Variants in RBFOX1 observed in about 807,000 individuals in gnomAD.
RBFOX1 encodes the protein RNA binding protein fox-1 homolog 1.
RBFOX1 carries 8 observed loss-of-function variants against 57.7 expected under a neutral mutation model. The ratio of observed to expected loss-of-function variants is 0.14; its 90% confidence interval spans 0.08 to 0.25. The LOEUF (loss-of-function observed/expected upper bound fraction) is 0.25, where lower values mean the gene tolerates loss of function less well. RBFOX1 is among the 10% of genes least tolerant of loss of function. The pLI is 1.00. For synonymous variants in RBFOX1, 326 were observed against 222.4 expected, an observed-to-expected ratio of 1.47 and a Z score of -4.15; for missense variants, 611 against 548.5, an observed-to-expected ratio of 1.11 and a Z score of -1.14.
Position 7,069,970 on chromosome 16 carries a change from C to A in RBFOX1, c.27+17872C>A, listed in dbSNP as rs115559765. Among the ~76,000 whole-genome samples, 1,168 of 152,298 alleles carry A rather than the reference C, an allele frequency of 7.7e-3. 15 individuals are homozygous for A. The highest frequency in any genetic ancestry group is 0.027 in the African/African-American group (1,102 of 41,556). ...TGAGAAACACCATAGCCTAATAATT[C>A]CATCAAGTAAGGTTTTCTGATCAGT... is the stretch of plus-strand genomic sequence containing the variant. On this transcript the variant is annotated intron_variant, in intron 4 of 15. Coordinates refer to ENST00000550418, the MANE Select transcript of RBFOX1 (RefSeq NM_018723.4).
chr16:6,795,174 G>T lies in RBFOX1; in HGVS notation c.-16+140524G>T, dbSNP rs74354304. Reference sequence around the variant, plus strand: ...CATAGTAAGGACCAGATATTTCATAGTGCTAATTCCAAGCTGGGTATAATT... The same window carrying T: ...CATAGTAAGGACCAGATATTTCATATTGCTAATTCCAAGCTGGGTATAATT... On this transcript the variant is annotated intron_variant, in intron 3 of 15. Transcript: ENST00000550418. Among the ~76,000 whole-genome samples the T allele has an allele frequency of 2.3e-4, 35 of 152,268 alleles. No homozygotes were observed. The East Asian group carries it at 6.2e-3, about 27-fold the overall frequency.
chr16:6,352,280 G>A (rs567499487), intron 2 of RBFOX1, among the ~76,000 whole-genome samples: 1 of 152,098 alleles, frequency 6.6e-6, no homozygotes, highest in Non-Finnish European at 1.5e-5. Context: ...TTTAGGCAGG[G>A]GGGTTGTTTC....
intron 4 of RBFOX1, among the ~76,000 whole-genome samples, chr16:7,177,005 C>T (rs1224474722): frequency 6.6e-6 from 1 of 152,048 alleles, no homozygotes; most frequent in Non-Finnish European, 1.5e-5. Flanking sequence ...AACTCACTAC[C>T]CCATGAAGTC....
At chr16:5,560,675 C>G (rs556119380) in intron 2 of RBFOX1, among the ~76,000 whole-genome samples, 14 of 152,296 alleles carry the variant, frequency 9.2e-5, no homozygotes, top group East Asian at 5.8e-4. Context: ...ATCCAAACAT[C>G]TCAGCGTAGT....
intron 2 of RBFOX1, among the ~76,000 whole-genome samples, chr16:6,537,573 T>C (rs2096752717): frequency 6.6e-6 from 1 of 152,198 alleles, no homozygotes. Flanking sequence ...GCAGTATGAT[T>C]TCAGAGACCA....
Position 6,457,445 on chromosome 16 carries a change from C to CTA in RBFOX1, c.-64+140388_-64+140389insTA, listed in dbSNP as rs1555484700. On this transcript the variant is annotated intron_variant, in intron 2 of 15. Transcript: ENST00000550418. ...ACTGTGAATTTCCGGAAGTCCCCCC[C>CTA]CCCGCAATAGCTTTGATTTGACATG... Among the ~76,000 whole-genome samples, 3 of 33,398 alleles carry CTA rather than the reference C, an allele frequency of 9.0e-5. 1 individual carries two copies. Among genetic ancestry groups the CTA allele is most frequent in the Non-Finnish European group, 1.6e-4 (3 of 19,016 alleles). 21.9% of individuals were successfully genotyped at this position (33,398 alleles called of 152,430 possible). A position where few individuals can be genotyped will look rare whatever the true frequency, so the allele number is the denominator to read the frequency against.
chr16:7,672,317 CTGAGGATGATCAG>C (rs1162906323), intron 13 of RBFOX1, among the ~76,000 whole-genome samples: 2 of 152,186 alleles, frequency 1.3e-5, no homozygotes, highest in African/African-American at 2.4e-5. Flanking sequence ...GAATGTCAAA[CTGAGGATGATCAG>C]TGAGAGTTGT....
At chr16:7,240,613 G>T (rs1351972763) in intron 4 of RBFOX1, among the ~76,000 whole-genome samples, 1 of 152,112 alleles carries the variant, frequency 6.6e-6, no homozygotes, top group Non-Finnish European at 1.5e-5. Context: ...GGAGTACAGT[G>T]GTATGATCAC....
chr16:7,695,352 C>T (rs1186885399), intron 14 of RBFOX1, among the ~76,000 whole-genome samples: 2 of 151,894 alleles, frequency 1.3e-5, no homozygotes, highest in African/African-American at 2.4e-5. Context: ...GGTTGTAACT[C>T]GTGGTTTCAG....
intron 2 of RBFOX1, among the ~76,000 whole-genome samples, chr16:6,479,766 T>C (rs2095341949): frequency 1.3e-5 from 2 of 151,638 alleles, no homozygotes; most frequent in Non-Finnish European, 2.9e-5. Context: ...ATCACCAGTC[T>C]AGGCCAGGCA....
chr16:6,084,675 A>G (rs977184866), intron 1 of RBFOX1, among the ~76,000 whole-genome samples: 6 of 152,140 alleles, frequency 3.9e-5, no homozygotes, highest in Admixed American at 6.5e-5. Context: ...CTCGTTTTCT[A>G]TGATGCTCTA....
intron 2 of RBFOX1, among the ~76,000 whole-genome samples, chr16:6,562,210 C>T (rs571216864): frequency 6.6e-6 from 1 of 152,286 alleles, no homozygotes; most frequent in South Asian, 2.1e-4. Context: ...GGGTGCCAGC[C>T]CTCTGAACTT....
At chr16:6,324,697 G>A (rs115606326) in intron 2 of RBFOX1, among the ~76,000 whole-genome samples, 5,665 of 152,234 alleles carry the variant, frequency 0.037, 344 homozygotes, top group African/African-American at 0.13. Flanking sequence ...GAGGATTACC[G>A]TTCAACATGA....
At chr16:6,644,475 G>C (rs558508481) in intron 2 of RBFOX1, among the ~76,000 whole-genome samples, 1 of 152,158 alleles carries the variant, frequency 6.6e-6, no homozygotes, top group Admixed American at 6.5e-5. Flanking sequence ...ATCATAAGCC[G>C]ATTTGGGCTT....
intron 2 of RBFOX1, among the ~76,000 whole-genome samples, chr16:5,476,943 C>G (rs1434065757): frequency 2.0e-5 from 3 of 152,168 alleles, no homozygotes; most frequent in Non-Finnish European, 4.4e-5. Flanking sequence ...ACATACTAAA[C>G]TTTTTGTAAC....
chr16:6,997,650 T>C (rs965936721), intron 3 of RBFOX1, among the ~76,000 whole-genome samples: 2 of 152,196 alleles, frequency 1.3e-5, no homozygotes, highest in African/African-American at 4.8e-5. Flanking sequence ...GGTCTTTCTC[T>C]TTGTCAGGGT....
intron 2 of RBFOX1, among the ~76,000 whole-genome samples, chr16:6,388,196 G>C (rs955350444): frequency 1.3e-5 from 2 of 151,934 alleles, no homozygotes; most frequent in Non-Finnish European, 1.5e-5. Flanking sequence ...TTGAACTCCT[G>C]ACCTTGTGAT....
At chr16:7,342,397 C>G (rs1415168755) in intron 4 of RBFOX1, among the ~76,000 whole-genome samples, 2 of 152,120 alleles carry the variant, frequency 1.3e-5, no homozygotes, top group Admixed American at 1.3e-4. Flanking sequence ...CTCTGAGCAC[C>G]CATGGTTTCA....
intron 4 of RBFOX1, among the ~76,000 whole-genome samples, chr16:7,388,884 G>C (rs61415066): frequency 0.081 from 12,352 of 152,018 alleles, 537 homozygotes; most frequent in East Asian, 0.2. Context: ...AATTTTGATA[G>C]AATATTTTCA....
Sources: allele counts gnomAD v4.1 joint callset (sites outside exome capture counted in the v4.1 genomes callset), GRCh38; gene constraint gnomAD v4.1.1; transcripts MANE v1.5; gene names NCBI Gene and HGNC (gene_info 2026-07-23, HGNC 2026-07-21).